ATRNL1: variants seen among roughly 807,000 people sequenced by gnomAD.
ATRNL1 encodes attractin-like protein 1.
A neutral mutation model predicts 182.7 loss-of-function variants in ATRNL1; 95 were observed. The observed-to-expected ratio is 0.52, with a 90% CI of 0.44 to 0.62. The LOEUF is 0.62. ATRNL1 is among the 20% of genes least tolerant of loss of function. ATRNL1 has a pLI of 0.00. For missense variants in ATRNL1, 1,471 were observed against 1,679.5 expected (o/e 0.88, Z 2.17); for synonymous variants, 576 against 568.3 (o/e 1.01, Z -0.19).
At chr10:115,254,085 G>A (rs1466631935) in intron 10 of ATRNL1, among the ~76,000 whole-genome samples, 5 of 152,106 alleles carry the variant, frequency 3.3e-5, no homozygotes, top group African/African-American at 4.8e-5. Flanking sequence ...GAATAGTACC[G>A]CAGTAAACAT....
At chr10:115,940,188 T>C (rs1953684728) in intron 28 of ATRNL1, among the ~76,000 whole-genome samples, 1 of 152,122 alleles carries the variant, frequency 6.6e-6, no homozygotes, top group Non-Finnish European at 1.5e-5. Flanking sequence ...CGTTAGCTTG[T>C]GGGAGCTGTA....
At chr10:115,351,823 G>A (rs1277862622) in intron 19 of ATRNL1, among the ~76,000 whole-genome samples, 5 of 151,838 alleles carry the variant, frequency 3.3e-5, no homozygotes, top group Admixed American at 2.0e-4. Context: ...TCAGGATAAT[G>A]CTGGCCAGTA....
chr10:115,745,586 TGA>T (rs1948268014), intron 27 of ATRNL1, among the ~76,000 whole-genome samples: 1 of 152,168 alleles, frequency 6.6e-6, no homozygotes, highest in African/African-American at 2.4e-5. Flanking sequence ...CCACAACACA[TGA>T]GAGTTTCAGT....
intron 21 of ATRNL1, among the ~76,000 whole-genome samples, chr10:115,433,235 T>G (rs1269618515): frequency 6.6e-6 from 1 of 152,090 alleles, no homozygotes; most frequent in East Asian, 1.9e-4. Flanking sequence ...AAATAGTATG[T>G]CAGTTTAATT....
At chr10:115,706,978 A>G (rs1196161465) in intron 26 of ATRNL1, among the ~76,000 whole-genome samples, 2 of 151,922 alleles carry the variant, frequency 1.3e-5, no homozygotes. Flanking sequence ...AATTTCTTAC[A>G]AATTCTAAAT....
At chr10:115,476,612 A>G (rs529151689) in intron 24 of ATRNL1, among the ~76,000 whole-genome samples, 4 of 151,250 alleles carry the variant, frequency 2.6e-5, no homozygotes, top group Non-Finnish European at 5.9e-5. Flanking sequence ...TGACCCTTTT[A>G]TTTTTATGAA....
intron 27 of ATRNL1, among the ~76,000 whole-genome samples, chr10:115,782,030 C>T (rs1555079447): frequency 6.6e-6 from 1 of 152,136 alleles, no homozygotes. Flanking sequence ...AATGATGATT[C>T]ATGAACCCAA....
chr10:115,346,143 T>C (rs1307440313), intron 19 of ATRNL1, among the ~76,000 whole-genome samples: 2 of 152,212 alleles, frequency 1.3e-5, no homozygotes, highest in Non-Finnish European at 2.9e-5. Flanking sequence ...TTTTTAAGTA[T>C]ACAGTTTAGT....
chr10:115,207,856 G>A (rs1188458922), intron 8 of ATRNL1, among the ~76,000 whole-genome samples: 1 of 151,670 alleles, frequency 6.6e-6, no homozygotes, highest in Non-Finnish European at 1.5e-5. Flanking sequence ...CCGATCTTGT[G>A]TGTATTTTGT....
At chr10:115,748,958 A>G (rs1555069933) in intron 27 of ATRNL1, among the ~76,000 whole-genome samples, 1 of 151,962 alleles carries the variant, frequency 6.6e-6, no homozygotes, top group Non-Finnish European at 1.5e-5. Flanking sequence ...CACAGTAACA[A>G]TGAAATGTAT....
chr10:115,696,795 G>A (rs572065539), intron 26 of ATRNL1, among the ~76,000 whole-genome samples: 8 of 151,996 alleles, frequency 5.3e-5, no homozygotes, highest in South Asian at 4.2e-4. Flanking sequence ...GTTCCACATG[G>A]CTGAGAGGCT....
chr10:115,824,941 A>G (rs1447040357), intron 27 of ATRNL1, among the ~76,000 whole-genome samples: 3 of 152,210 alleles, frequency 2.0e-5, no homozygotes, highest in Non-Finnish European at 2.9e-5. Context: ...ACATGCTCAC[A>G]TATGTTTATT....
chr10:115,207,038 C>A (rs1256196595), intron 8 of ATRNL1, among the ~76,000 whole-genome samples: 1 of 151,994 alleles, frequency 6.6e-6, no homozygotes, highest in Non-Finnish European at 1.5e-5. Flanking sequence ...TTATGGCTGG[C>A]TAGTATTCCA....
intron 27 of ATRNL1, among the ~76,000 whole-genome samples, chr10:115,735,272 T>C (rs1388938640): frequency 1.3e-5 from 2 of 152,182 alleles, no homozygotes; most frequent in Admixed American, 1.3e-4. Context: ...TATCCTCTTA[T>C]TGTTTACAAT....
At chr10:115,393,589 C>T (rs892522564) in intron 19 of ATRNL1, among the ~76,000 whole-genome samples, 26 of 152,078 alleles carry the variant, frequency 1.7e-4, no homozygotes, top group South Asian at 6.2e-4. Context: ...GAGTTAGTGA[C>T]ACCATCAGCC....
At chr10:115,540,698 A>C (rs1478004160) in intron 25 of ATRNL1, among the ~76,000 whole-genome samples, 1 of 150,790 alleles carries the variant, frequency 6.6e-6, no homozygotes, top group Non-Finnish European at 1.5e-5. Context: ...CGGAGGTTGC[A>C]GTGAACTAAG....
chr10:115,184,086 A>G (rs1554888299), intron 8 of ATRNL1, among the ~76,000 whole-genome samples: 1 of 151,536 alleles, frequency 6.6e-6, no homozygotes, highest in African/African-American at 2.4e-5. Context: ...TATATAGCCA[A>G]GCATCTAAGG....
At chr10:115,175,168 G>C (rs1554886465) in intron 8 of ATRNL1, among the ~76,000 whole-genome samples, 1 of 151,928 alleles carries the variant, frequency 6.6e-6, no homozygotes, top group Non-Finnish European at 1.5e-5. Flanking sequence ...CATCCTTACT[G>C]AATATAGTTT....
At chr10:115,492,562 TTTTATA>T (rs1412170823) in intron 24 of ATRNL1, among the ~76,000 whole-genome samples, 2 of 148,532 alleles carry the variant, frequency 1.3e-5, no homozygotes, top group Non-Finnish European at 3.0e-5. Flanking sequence ...TATGTGTATA[TTTTATA>T]TTTATATTTC....
Sources: allele counts gnomAD v4.1 joint callset (sites outside exome capture counted in the v4.1 genomes callset), GRCh38; gene constraint gnomAD v4.1.1; transcripts MANE v1.5; gene names NCBI Gene and HGNC (gene_info 2026-07-23, HGNC 2026-07-21).